CFAP53: variants seen among roughly 807,000 people sequenced by gnomAD.
The protein encoded by CFAP53 is cilia and flagella associated protein 53, also known as cilia- and flagella-associated protein 53.
In CFAP53, 62 loss-of-function variants were observed where a neutral mutation model predicts 59.7. The observed-to-expected ratio is 1.04, with a 90% CI of 0.85 to 1.28. CFAP53 has a LOEUF of 1.28. Ranked by LOEUF, CFAP53 falls within the 50% of genes most tolerant of loss-of-function variation. The probability of loss-of-function intolerance (pLI) is 0.00; values close to 1 mark genes in which losing one functional copy is unlikely to be tolerated. For missense variants in CFAP53, 629 were observed against 615.6 expected (o/e 1.02, Z -0.23); for synonymous variants, 218 against 205.7 (o/e 1.06, Z -0.51).
intron 1 of CFAP53, among the ~76,000 whole-genome samples, chr18:50,262,554 T>C (rs1293553478): frequency 2.0e-5 from 3 of 152,216 alleles, no homozygotes; most frequent in African/African-American, 7.2e-5. Flanking sequence ...TGAACTTGCT[T>C]CAAATAGGGC....
At position 50,251,800 on chromosome 18, in the gene CFAP53, TAAAA is replaced by T. The variant is rs1381206805; in HGVS notation, c.474-20_474-17del. The T allele has an allele frequency of 7.5e-6, 12 of 1,608,644 alleles. No homozygotes were observed. Among genetic ancestry groups the T allele is most frequent in the Non-Finnish European group, 9.3e-6 (11 of 1,176,956 alleles). On this transcript the variant is annotated splice_polypyrimidine_tract_variant and intron_variant, in intron 3 of 7. Transcript: ENST00000398545. ...ACAGCGTTCCCTGAAAGGAAAATTT[TAAAA>T]AGACAAAACCCAGCCTTTCGTGAGG...
chr18:50,239,766 A>T (rs1019097578), intron 6 of CFAP53, among the ~76,000 whole-genome samples: 1 of 152,226 alleles, frequency 6.6e-6, no homozygotes, highest in African/African-American at 2.4e-5. Context: ...AGTATATACT[A>T]CATGATTCTA....
At chr18:50,254,608 G>T (rs2033830677) in intron 3 of CFAP53, among the ~76,000 whole-genome samples, 2 of 152,172 alleles carry the variant, frequency 1.3e-5, no homozygotes, top group African/African-American at 4.8e-5. Context: ...TACATTTATG[G>T]CTGGGAGTGG....
At chr18:50,246,909 G>A (rs139805295) in intron 5 of CFAP53, among the ~76,000 whole-genome samples, 8 of 152,146 alleles carry the variant, frequency 5.3e-5, no homozygotes, top group South Asian at 4.1e-4. Flanking sequence ...TTAGCCAGGC[G>A]TGGTGGCAGG....
intron 7 of CFAP53, 67 bp from the exon 8 acceptor site, chr18:50,227,676 A>G (rs1300362079): frequency 1.7e-6 from 2 of 1,176,324 alleles, no homozygotes; most frequent in South Asian, 1.3e-5. Context: ...TCAGAGCATT[A>G]CAATTAAAAT....
intron 3 of CFAP53, 126 bp downstream of exon 3, chr18:50,260,938 C>T: frequency 3.4e-6 from 3 of 885,210 alleles, no homozygotes; most frequent in Admixed American, 2.8e-5. Context: ...TAATATATTG[C>T]CAAGACTTAA....
rs759994878 is a variant in CFAP53 at position 50,250,932 on chromosome 18, C to T, written c.822G>A (p.Met274Ile). 1 of 1,614,158 alleles carries T rather than the reference C, an allele frequency of 6.2e-7. No homozygotes were observed. Among genetic ancestry groups the T allele is most frequent in the Non-Finnish European group, 8.5e-7 (1 of 1,180,024 alleles). ...CCTGCTTTGCCTTCTGTTTCTTTAG[C>T]ATATCCTGTTCATTCTCATGTTTAA... Reference protein sequence around the residue: ...AQIKHENEQDMLKKQKAKQET... With the variant: ...AQIKHENEQDILKKQKAKQET... Residue 274 changes from methionine to isoleucine, a missense_variant, in exon 5 of 8, where the codon ATG becomes ATA. Transcript: ENST00000398545.
chr18:50,246,733 G>T (rs111705738), intron 5 of CFAP53, among the ~76,000 whole-genome samples: 5 of 152,144 alleles, frequency 3.3e-5, no homozygotes, highest in African/African-American at 4.8e-5. Flanking sequence ...TCTGGTAAGA[G>T]ACTTGAATCT....
chr18:50,231,912 G>A (rs2033587583), intron 7 of CFAP53, among the ~76,000 whole-genome samples: 1 of 152,162 alleles, frequency 6.6e-6, no homozygotes, highest in South Asian at 2.1e-4. Flanking sequence ...AGAACCATGA[G>A]TTTTCCCTTA....
chr18:50,237,979 G>C (rs910333089), intron 7 of CFAP53, among the ~76,000 whole-genome samples: 2 of 152,076 alleles, frequency 1.3e-5, no homozygotes, highest in Non-Finnish European at 2.9e-5. Flanking sequence ...AAATCTTCTT[G>C]CTATTTTATT....
At chr18:50,263,430 G>C (rs1421201212) in intron 1 of CFAP53, among the ~76,000 whole-genome samples, 1 of 152,188 alleles carries the variant, frequency 6.6e-6, no homozygotes, top group African/African-American at 2.4e-5. Flanking sequence ...TTTGAAGACA[G>C]TTTAATGAAA....
chr18:50,251,920 C>T, intron 3 of CFAP53, 136 bp from the exon 4 acceptor site: 1 of 768,712 alleles, frequency 1.3e-6, no homozygotes, highest in South Asian at 1.7e-5. Flanking sequence ...GCACAGGAAA[C>T]AAGAGGGAGC....
At chr18:50,265,272 G>A (rs2033935633) in intron 1 of CFAP53, among the ~76,000 whole-genome samples, 1 of 152,086 alleles carries the variant, frequency 6.6e-6, no homozygotes, top group African/African-American at 2.4e-5. Flanking sequence ...CTCATGTAAG[G>A]GGTCACAGTC....
chr18:50,259,245 A>G (rs1171358277), intron 3 of CFAP53, among the ~76,000 whole-genome samples: 1 of 152,252 alleles, frequency 6.6e-6, no homozygotes, highest in East Asian at 1.9e-4. Flanking sequence ...TGTGGTACAC[A>G]TGCACAATGG....
intron 2 of CFAP53, 39 bp from the exon 3 acceptor site, chr18:50,261,276 A>G (rs761100917): frequency 1.4e-6 from 2 of 1,442,292 alleles, no homozygotes; most frequent in African/African-American, 1.5e-5. Flanking sequence ...AAAAAAGAAA[A>G]CTGTCATGCT....
At chr18:50,250,664 G>C in intron 5 of CFAP53, 94 bp downstream of exon 5, 1 of 927,236 alleles carries the variant, frequency 1.1e-6, no homozygotes, top group Non-Finnish European at 1.7e-6. Flanking sequence ...ACTCAGAGTA[G>C]CACTGCTATA....
chr18:50,227,456 G>A lies in CFAP53; in HGVS notation c.1470C>T (p.Val490=). 1.9e-6 allele frequency: 3 copies of A among 1,614,158 alleles called. No individual in the cohort carries two copies. Among genetic ancestry groups the A allele is most frequent in the Non-Finnish European group, 2.5e-6 (3 of 1,180,026 alleles). The change falls in exon 8 of 8, where the codon GTC becomes GTT. Residue 490 remains valine, a synonymous_variant. Coordinates refer to ENST00000398545, the MANE Select transcript of CFAP53 (RefSeq NM_145020.5). ...NKMCLDKVQE[V]LSTHQVLPQN... is the part of the protein sequence containing the mutation. ...GAGGCAGCACTTGATGGGTGGACAGGACCTCCTGGACCTTGTCCAAACACA... is the reference window on the plus strand; with the variant it reads ...GAGGCAGCACTTGATGGGTGGACAGAACCTCCTGGACCTTGTCCAAACACA...
Position 50,262,188 on chromosome 18 carries a change from T to C in CFAP53, c.101A>G (p.Glu34Gly). The C allele has an allele frequency of 1.2e-6, 2 of 1,614,212 alleles. No individual in the cohort carries two copies. Among genetic ancestry groups the C allele is most frequent in the South Asian group, 2.2e-5 (2 of 91,084 alleles). The change falls in exon 2 of 8, where the codon GAG (glutamate) becomes GGG (glycine). Residue 34 changes from glutamate to glycine, a missense_variant. Coordinates refer to ENST00000398545, the MANE Select transcript of CFAP53 (RefSeq NM_145020.5). ...GCGTCGGATTCTTTCTAGATGGTGC[T>C]CAGCTCCTTGGCCTTTAGGAGGCTT... ...RSKPPKGQGA[E>G]HHLERIRRSH...
At chr18:50,250,999 A>G (rs1022244699) in intron 4 of CFAP53, 23 bp from the exon 5 acceptor site, 1 of 1,585,366 alleles carries the variant, frequency 6.3e-7, no homozygotes, top group African/African-American at 1.3e-5. Flanking sequence ...CATAATAAAG[A>G]TAATGCATCA....
Sources: gnomAD v4.1 joint callset for allele counts (sites outside exome capture counted in the v4.1 genomes callset) on GRCh38, gnomAD v4.1.1 for gene constraint, MANE v1.5 for transcripts, NCBI Gene and HGNC (gene_info 2026-07-23, HGNC 2026-07-21) for gene names.